Variants in TIPIN observed in about 807,000 individuals in gnomAD.
The protein encoded by TIPIN is TIMELESS-interacting protein.
TIPIN carries 29 observed loss-of-function variants against 35.6 expected under a neutral mutation model. The observed-to-expected ratio is 0.82, with a 90% confidence interval of 0.61 to 1.11. TIPIN has a LOEUF of 1.11. TIPIN is among the 50% of genes most tolerant of loss of function. The pLI, the probability that TIPIN is intolerant of heterozygous loss-of-function variation, is 0.00. For synonymous variants in TIPIN, 102 were observed against 121.5 expected (o/e 0.84, Z 1.06); for missense variants, 296 against 345.4 (o/e 0.86, Z 1.13).
chr15:66,339,972 C>T (rs1006388762), intron 7 of TIPIN, among the ~76,000 whole-genome samples: 94 of 151,180 alleles, frequency 6.2e-4, no homozygotes, highest in African/African-American at 2.1e-3. Context: ...CAGGTTCAAG[C>T]GATTCTCCTG....
intron 1 of TIPIN, among the ~76,000 whole-genome samples, chr15:66,353,834 G>C (rs979717965): frequency 2.6e-5 from 4 of 151,798 alleles, no homozygotes; most frequent in African/African-American, 9.7e-5. Flanking sequence ...TTTTTTCTGG[G>C]AAAAATGTTT....
intron 1 of TIPIN, among the ~76,000 whole-genome samples, chr15:66,365,543 TG>T (rs1405850366): frequency 6.6e-6 from 1 of 152,138 alleles, no homozygotes; most frequent in African/African-American, 2.4e-5. Context: ...CTCTGCATAT[TG>T]TTTTTTTTGT....
At chr15:66,347,470 T>C (rs1418221307) in intron 6 of TIPIN, 1 of 276,240 alleles carries the variant, frequency 3.6e-6, no homozygotes, top group African/African-American at 2.2e-5. Context: ...ATGAACACTT[T>C]TATCTTGATA....
At chr15:66,356,951 C>G (rs1469641315), upstream of TIPIN, among the ~76,000 whole-genome samples, 3 of 151,842 alleles carry the variant, frequency 2.0e-5, no homozygotes, top group African/African-American at 7.3e-5. Flanking sequence ...AAGTCTCGCT[C>G]TATCACTCAG....
chr15:66,350,051 TC>T (rs1317526696), intron 4 of TIPIN, among the ~76,000 whole-genome samples: 5 of 151,886 alleles, frequency 3.3e-5, no homozygotes, highest in African/African-American at 1.2e-4. Flanking sequence ...AACCTCAGCC[TC>T]CCGGGTTTAA....
chr15:66,341,265 AG>A lies in TIPIN; in HGVS notation c.566del (p.Ser189LeufsTer3). ...CTTCTGTTAGGCTTCTACTTAACTCAGAAGCAAACATCTCACTTTCAGATAA... is the reference window on the plus strand; with the variant it reads ...CTTCTGTTAGGCTTCTACTTAACTCAAAGCAAACATCTCACTTTCAGATAA... ...TNLSESEMFA[S>X]ELSRSLTEEQ... On this transcript the variant is annotated frameshift_variant, in exon 7 of 8. Transcript: ENST00000261881. LOFTEE classifies it high-confidence loss of function. 6.2e-7 allele frequency: 1 copy of A among 1,613,982 alleles called. No homozygotes were observed. Among genetic ancestry groups the A allele is most frequent in the Non-Finnish European group, 8.5e-7 (1 of 1,180,024 alleles).
intron 1 of TIPIN, among the ~76,000 whole-genome samples, chr15:66,368,400 C>G (rs1007713737): frequency 6.6e-6 from 1 of 151,428 alleles, no homozygotes; most frequent in South Asian, 2.1e-4. Flanking sequence ...CACCTGTAGT[C>G]CCAGCTGCTT....
intron 6 of TIPIN, chr15:66,347,467 C>T: frequency 3.6e-6 from 1 of 276,420 alleles, no homozygotes; most frequent in Non-Finnish European, 7.4e-6. Context: ...TATATGAACA[C>T]TTTTATCTTG....
At chr15:66,385,257 C>T (rs1265063559) in intron 1 of TIPIN, among the ~76,000 whole-genome samples, 1 of 152,164 alleles carries the variant, frequency 6.6e-6, no homozygotes, top group Non-Finnish European at 1.5e-5. Context: ...AGCCTCCTTA[C>T]CTGCTAGGTC....
intron 1 of TIPIN, chr15:66,379,959 T>C: frequency 1.1e-6 from 1 of 874,766 alleles, no homozygotes. Flanking sequence ...TATTATAGGA[T>C]AAAAAGTAGG....
intron 1 of TIPIN, among the ~76,000 whole-genome samples, chr15:66,366,597 CAAAA>C (rs757848258): frequency 3.3e-5 from 3 of 92,230 alleles, no homozygotes; most frequent in East Asian, 3.3e-4. Context: ...ACTAAATATA[CAAAA>C]AAAAAAAAAA....
intron 7 of TIPIN, among the ~76,000 whole-genome samples, chr15:66,340,917 T>C (rs963360825): frequency 6.6e-6 from 1 of 152,158 alleles, no homozygotes; most frequent in Non-Finnish European, 1.5e-5. Flanking sequence ...AATAATTTTT[T>C]AAGAGGTACT....
chr15:66,380,876 C>T (rs981989326), intron 1 of TIPIN, among the ~76,000 whole-genome samples: 23 of 151,878 alleles, frequency 1.5e-4, no homozygotes, highest in African/African-American at 5.6e-4. Context: ...AAATATTAAT[C>T]CCTACTGTTT....
intron 1 of TIPIN, among the ~76,000 whole-genome samples, chr15:66,381,099 A>G (rs2093316946): frequency 2.0e-5 from 3 of 152,168 alleles, no homozygotes; most frequent in African/African-American, 7.2e-5. Flanking sequence ...AAGTGTGTGA[A>G]TATTTCTGAA....
chr15:66,372,002 C>T (rs184250547), intron 1 of TIPIN, among the ~76,000 whole-genome samples: 6 of 152,140 alleles, frequency 3.9e-5, no homozygotes, highest in Non-Finnish European at 5.9e-5. Flanking sequence ...ACTATATTGC[C>T]CAGGCTGGTT....
chr15:66,380,594 C>A (rs1270382466), intron 1 of TIPIN, among the ~76,000 whole-genome samples: 1 of 152,022 alleles, frequency 6.6e-6, no homozygotes, highest in Non-Finnish European at 1.5e-5. Flanking sequence ...GTGGGTGAAT[C>A]ACCTGAGGTC....
At chr15:66,359,531 T>A (rs1027892544), upstream of TIPIN, among the ~76,000 whole-genome samples, 2 of 151,932 alleles carry the variant, frequency 1.3e-5, no homozygotes, top group African/African-American at 2.4e-5. Flanking sequence ...TTTTTGTATT[T>A]AGTAGAGATG....
intron 2 of TIPIN, among the ~76,000 whole-genome samples, chr15:66,352,531 C>T: frequency 6.6e-6 from 1 of 152,130 alleles, no homozygotes; most frequent in Non-Finnish European, 1.5e-5. Context: ...CTCAAGCCAT[C>T]CTCCTGCCTC....
intron 6 of TIPIN, among the ~76,000 whole-genome samples, chr15:66,345,656 A>T (rs1477588338): frequency 6.6e-6 from 1 of 152,074 alleles, no homozygotes; most frequent in Non-Finnish European, 1.5e-5. Context: ...GGTTGCAGTG[A>T]GCCGAGATCG....
Sources: gnomAD v4.1 joint callset for allele counts (sites outside exome capture counted in the v4.1 genomes callset) on GRCh38, gnomAD v4.1.1 for gene constraint, MANE v1.5 for transcripts, NCBI Gene and HGNC (gene_info 2026-07-23, HGNC 2026-07-21) for gene names.